Variants in WWOX observed in about 807,000 individuals in gnomAD.
The protein encoded by WWOX is WW domain-containing oxidoreductase.
A neutral mutation model predicts 46.2 loss-of-function variants in WWOX; 69 were observed. The ratio of observed to expected loss-of-function variants is 1.49; its 90% CI spans 1.23 to 1.82. The LOEUF is 1.82. WWOX is among the 40% of genes most tolerant of loss of function. The pLI, the probability that WWOX is intolerant of heterozygous loss-of-function variation, is 0.00. For synonymous variants in WWOX, 359 were observed against 202.6 expected (o/e 1.77, Z -6.56); for missense variants, 919 against 542.6 (o/e 1.69, Z -6.89).
intron 8 of WWOX, among the ~76,000 whole-genome samples, chr16:78,648,832 T>G (rs2142136784): frequency 6.6e-6 from 1 of 152,320 alleles, no homozygotes; most frequent in South Asian, 2.1e-4. Context: ...TGCAGGAAGT[T>G]CTGAATAAGT....
chr16:78,808,829 C>G (rs750676990), intron 8 of WWOX, among the ~76,000 whole-genome samples: 17 of 152,122 alleles, frequency 1.1e-4, no homozygotes, highest in Non-Finnish European at 2.1e-4. Flanking sequence ...TTTATGTCCA[C>G]CCATCAACCT....
At chr16:78,837,720 C>T (rs1030242071) in intron 8 of WWOX, among the ~76,000 whole-genome samples, 23 of 152,112 alleles carry the variant, frequency 1.5e-4, no homozygotes, top group Admixed American at 1.5e-3. Flanking sequence ...AAGTGAATTT[C>T]TATTTATTAT....
intron 8 of WWOX, chr16:78,553,061 G>C (rs1229634885): frequency 1.3e-5 from 2 of 152,258 alleles, no homozygotes; most frequent in Admixed American, 6.5e-5. Flanking sequence ...TCACTTGTAA[G>C]TGGGAGCTGA....
At chr16:78,804,382 C>G (rs2050973361) in intron 8 of WWOX, among the ~76,000 whole-genome samples, 1 of 150,776 alleles carries the variant, frequency 6.6e-6, no homozygotes. Flanking sequence ...AAATTAACAG[C>G]TCTTGGAGGT....
intron 8 of WWOX, among the ~76,000 whole-genome samples, chr16:78,513,902 C>T (rs376312606): frequency 1.4e-4 from 20 of 146,712 alleles, no homozygotes; most frequent in African/African-American, 4.3e-4. Context: ...ACTCCCCCCC[C>T]CCCCACTTGT....
At chr16:78,491,561 C>G (rs1274666060) in intron 8 of WWOX, among the ~76,000 whole-genome samples, 3 of 152,266 alleles carry the variant, frequency 2.0e-5, no homozygotes, top group Middle Eastern at 6.8e-3. Flanking sequence ...CTCCCAGGTT[C>G]AAGTGATCCT....
intron 5 of WWOX, among the ~76,000 whole-genome samples, chr16:78,322,811 A>T (rs974492759): frequency 2.0e-5 from 3 of 152,236 alleles, no homozygotes; most frequent in African/African-American, 7.2e-5. Flanking sequence ...GCAGCCATGG[A>T]CGCTACGTAA....
chr16:78,235,833 C>T (rs1332407854), intron 5 of WWOX, among the ~76,000 whole-genome samples: 1 of 152,312 alleles, frequency 6.6e-6, no homozygotes, highest in African/African-American at 2.4e-5. Flanking sequence ...CCCAGAGATC[C>T]TGCCTCACTG....
At chr16:78,281,350 C>G (rs1440213571) in intron 5 of WWOX, among the ~76,000 whole-genome samples, 1 of 152,194 alleles carries the variant, frequency 6.6e-6, no homozygotes, top group Admixed American at 6.5e-5. Flanking sequence ...AGGATCCCAG[C>G]AGACTGGGTG....
chr16:78,478,820 AT>A (rs200406785), intron 8 of WWOX, among the ~76,000 whole-genome samples: 1,632 of 152,236 alleles, frequency 0.011, 28 homozygotes, highest in African/African-American at 0.038. Flanking sequence ...TTTATTTTTT[AT>A]TTATTTATTT....
chr16:79,133,885 G>A (rs574105054), intron 8 of WWOX, among the ~76,000 whole-genome samples: 1 of 152,210 alleles, frequency 6.6e-6, no homozygotes, highest in Non-Finnish European at 1.5e-5. Flanking sequence ...AAATCTTGGA[G>A]GTAGATTTTT....
intron 8 of WWOX, among the ~76,000 whole-genome samples, chr16:78,930,008 C>A (rs566208889): frequency 6.6e-6 from 1 of 152,202 alleles, no homozygotes; most frequent in East Asian, 1.9e-4. Context: ...CCAGTTCTAG[C>A]GAATGGGGTG....
intron 8 of WWOX, among the ~76,000 whole-genome samples, chr16:79,098,048 A>C (rs1020843508): frequency 6.6e-6 from 1 of 152,116 alleles, no homozygotes; most frequent in African/African-American, 2.4e-5. Context: ...ATATCTAGAG[A>C]GGCGCCTGCA....
chr16:78,329,686 A>G (rs995661976), intron 5 of WWOX, among the ~76,000 whole-genome samples: 9 of 151,972 alleles, frequency 5.9e-5, no homozygotes, highest in African/African-American at 1.9e-4. Flanking sequence ...TTGCCAATGT[A>G]GCCAACATAT....
At chr16:78,650,390 T>G (rs570378374) in intron 8 of WWOX, among the ~76,000 whole-genome samples, 1 of 152,202 alleles carries the variant, frequency 6.6e-6, no homozygotes, top group African/African-American at 2.4e-5. Context: ...CTGTTTCAAA[T>G]GAATACAGAT....
intron 8 of WWOX, among the ~76,000 whole-genome samples, chr16:78,819,474 T>C (rs2051433778): frequency 6.6e-6 from 1 of 152,210 alleles, no homozygotes; most frequent in African/African-American, 2.4e-5. Flanking sequence ...ACCACCCTTT[T>C]TCTAGAAATT....
intron 8 of WWOX, among the ~76,000 whole-genome samples, chr16:78,475,770 A>G (rs1231715541): frequency 2.0e-5 from 3 of 152,080 alleles, no homozygotes; most frequent in East Asian, 3.9e-4. Context: ...AATTTTATGC[A>G]TTTTTAGTAG....
At chr16:78,935,911 CAAAAT>C (rs1001733673) in intron 8 of WWOX, among the ~76,000 whole-genome samples, 13 of 150,980 alleles carry the variant, frequency 8.6e-5, no homozygotes, top group East Asian at 2.0e-4. Context: ...GACCCTGTCT[CAAAAT>C]AAAATAAAAT....
chr16:78,265,875 T>C (rs1172235725), intron 5 of WWOX: 3 of 152,144 alleles, frequency 2.0e-5, no homozygotes, highest in Non-Finnish European at 2.9e-5. Context: ...TCCAGTACAA[T>C]GCTTGGCCTA....
Sources: allele counts gnomAD v4.1 joint callset (sites outside exome capture counted in the v4.1 genomes callset), GRCh38; gene constraint gnomAD v4.1.1; transcripts MANE v1.5; gene names NCBI Gene and HGNC (gene_info 2026-07-23, HGNC 2026-07-21).